The following DNAH3 variants were observed in gnomAD, a reference collection of about 807,000 sequenced individuals.
DNAH3 encodes axonemal beta dynein heavy chain 3.
A neutral mutation model predicts 432.5 loss-of-function variants in DNAH3; 332 were observed. That is an observed-to-expected ratio of 0.77 (90% CI 0.70 to 0.84). The LOEUF (loss-of-function observed/expected upper bound fraction) is 0.84. DNAH3 is among the 40% of genes least tolerant of loss of function. The pLI is 0.00. For synonymous variants in DNAH3, 1,956 were observed against 1,900.2 expected, an observed-to-expected ratio of 1.03 and a Z score of -0.76; for missense variants, 4,861 against 5,114.0, an observed-to-expected ratio of 0.95 and a Z score of 1.51.
In DNAH3 at chr16:21,023,735, T is replaced by C. The variant is rs1018083438; in HGVS notation, c.5646+861A>G. On this transcript the variant is annotated intron_variant, in intron 39 of 61. Coordinates refer to ENST00000261383, the Ensembl canonical transcript of DNAH3. ...GGAGTTAAACTTTGTGCCAGGGACA[T>C]TGGGGAGTCCCTAAATGACTTTACA... 7.3e-5 allele frequency among the ~76,000 whole-genome samples: 11 copies of C among 151,580 alleles called. No individual in the cohort carries two copies. In the East Asian group the frequency reaches 7.8e-4, roughly 11 times the overall value.
At chr16:21,051,609 A>C in intron 29 of DNAH3, 61 bp downstream of exon 29, 2 of 1,549,722 alleles carry the variant, frequency 1.3e-6, no homozygotes, top group Non-Finnish European at 8.9e-7. Context: ...TTTCCTCCCC[A>C]GAGTCTTCTT....
At chr16:20,983,026 G>T (rs1301583147) in intron 48 of DNAH3, 140 bp from the exon 49 acceptor site, 8 of 794,044 alleles carry the variant, frequency 1.0e-5, no homozygotes, top group Non-Finnish European at 1.6e-5. Flanking sequence ...ACTGTCAATG[G>T]CCATAATGAG....
chr16:20,976,038 C>A (rs901991358), intron 50 of DNAH3, among the ~76,000 whole-genome samples: 1 of 152,104 alleles, frequency 6.6e-6, no homozygotes, highest in South Asian at 2.1e-4. Flanking sequence ...AGCCACCACG[C>A]CCGGCCAAGA....
chr16:21,122,281 A>C (rs2092359803), intron 9 of DNAH3, among the ~76,000 whole-genome samples, 157 bp from the exon 11 acceptor site: 1 of 152,158 alleles, frequency 6.6e-6, no homozygotes, highest in African/African-American at 2.4e-5. Context: ...GGGGCTGGGC[A>C]CCGTGGCTCA....
At chr16:21,051,323 C>A (rs564791441) in intron 29 of DNAH3, among the ~76,000 whole-genome samples, 27 of 152,326 alleles carry the variant, frequency 1.8e-4, no homozygotes, top group African/African-American at 6.3e-4. Flanking sequence ...TGGCTACGTT[C>A]TTGACCTCAC....
chr16:21,041,242 A>G (rs1184320023), intron 32 of DNAH3, among the ~76,000 whole-genome samples: 1 of 152,060 alleles, frequency 6.6e-6, no homozygotes, highest in Non-Finnish European at 1.5e-5. Flanking sequence ...ATGGTGGCGC[A>G]TGGCTATAGT....
At chr16:21,068,748 G>A (rs1438857569) in intron 23 of DNAH3, among the ~76,000 whole-genome samples, 1 of 152,156 alleles carries the variant, frequency 6.6e-6, no homozygotes, top group Non-Finnish European at 1.5e-5. Context: ...CCAAATGTGG[G>A]TAATTGTTGG....
chr16:21,039,909 T>A, exon 33 of DNAH3: 1 of 1,613,802 alleles, frequency 6.2e-7, no homozygotes, highest in Non-Finnish European at 8.5e-7. Flanking sequence ...GAGGGCGTAA[T>A]CTGGGACCAT....
exon 26 of DNAH3, chr16:21,060,355 C>A (rs760736439): frequency 6.2e-7 from 1 of 1,613,250 alleles, no homozygotes; most frequent in Non-Finnish European, 8.5e-7. Context: ...TTCCACCATG[C>A]CCTATGGAGC....
In DNAH3 at chr16:20,952,534, T is replaced by A. The variant is rs776162817; in HGVS notation, c.11087A>T (p.Tyr3696Phe). Residue 3696 changes from tyrosine (Y) to phenylalanine (F), a missense_variant, in exon 56 of 62, where the codon TAT (tyrosine) becomes TTT (phenylalanine). Tyr to Phe is a conservative substitution (Grantham distance 22). Transcript: ENST00000261383. The stretch of plus-strand genomic sequence containing the variant: ...CCTCAGGTCAGATTCGTTGAATTCA[T>A]AGGGAATATTCCACCCTGCGTGTGG... 1.9e-6 allele frequency: 3 copies of A among 1,609,086 alleles called. No homozygotes were observed. The East Asian group carries it at 6.7e-5, about 36-fold the overall frequency.
At chr16:20,990,043 C>A (rs1159081259) in intron 44 of DNAH3, among the ~76,000 whole-genome samples, 3 of 152,250 alleles carry the variant, frequency 2.0e-5, no homozygotes, top group Non-Finnish European at 4.4e-5. Context: ...TCCCTGCAAG[C>A]TGAGGGAGTG....
intron 33 of DNAH3, among the ~76,000 whole-genome samples, chr16:21,039,466 G>A (rs779886907): frequency 6.6e-6 from 1 of 151,892 alleles, no homozygotes; most frequent in African/African-American, 2.4e-5. Flanking sequence ...GTGATACCCC[G>A]CCTTGCCTGC....
chr16:21,157,191 C>A (rs1167136774), intron 1 of DNAH3, among the ~76,000 whole-genome samples: 1 of 152,132 alleles, frequency 6.6e-6, no homozygotes, highest in East Asian at 1.9e-4. Flanking sequence ...TGTGGTTTAT[C>A]ATATCATTGT....
exon 49 of DNAH3, chr16:20,982,776 A>C (rs755837953): frequency 6.2e-7 from 1 of 1,614,110 alleles, no homozygotes; most frequent in Non-Finnish European, 8.5e-7. Context: ...TTAGCCACCA[A>C]CTCTAGGGCA....
At position 20,984,208 on chromosome 16, in the gene DNAH3, C is replaced by CGT. The variant is rs142280534; in HGVS notation, c.7665+867_7665+868dup. On this transcript the variant is annotated intron_variant, in intron 48 of 61. Transcript: ENST00000261383. ...ATGTGTGCACGTGTGCGCATGCGTG[C>CGT]GTGTGTGTGTGTGTGTATGCATGCA... 5.7e-3 allele frequency among the ~76,000 whole-genome samples: 844 copies of CGT among 149,376 alleles called. 11 individuals carry two copies. The highest frequency in any genetic ancestry group is 0.015 in the African/African-American group (616 of 40,686).
intron 13 of DNAH3, 61 bp downstream of exon 13, chr16:21,111,932 C>T: frequency 6.4e-7 from 1 of 1,554,248 alleles, no homozygotes. Flanking sequence ...ACACTAACTG[C>T]TCATTGGATT....
chr16:20,933,278 C>T (rs2083472948), exon 62 of DNAH3: 1 of 1,614,188 alleles, frequency 6.2e-7, no homozygotes. Flanking sequence ...GAGGGTTCCT[C>T]TGCGGGCACT....
chr16:20,939,805 A>G (rs933000053), intron 59 of DNAH3, among the ~76,000 whole-genome samples: 7 of 152,162 alleles, frequency 4.6e-5, no homozygotes, highest in Admixed American at 6.5e-5. Flanking sequence ...AGCAGAAGTG[A>G]TAAGTTTTAG....
At chr16:21,021,005 G>C (rs1425880228) in intron 40 of DNAH3, among the ~76,000 whole-genome samples, 1 of 152,122 alleles carries the variant, frequency 6.6e-6, no homozygotes, top group Non-Finnish European at 1.5e-5. Context: ...TTTGTGACTG[G>C]CTTATTTTCT....
Sources: gnomAD v4.1 joint callset for allele counts (sites outside exome capture counted in the v4.1 genomes callset) on GRCh38, gnomAD v4.1.1 for gene constraint, MANE v1.5 for transcripts, NCBI Gene and HGNC (gene_info 2026-07-23, HGNC 2026-07-21) for gene names.